The following PDIA6 variants were observed in gnomAD, a reference collection of about 807,000 sequenced individuals.
PDIA6 encodes the protein protein disulfide-isomerase A6.
In PDIA6, 29 loss-of-function variants were observed where a neutral mutation model predicts 58.4. The observed-to-expected ratio is 0.50, with a 90% CI of 0.37 to 0.68. The LOEUF (loss-of-function observed/expected upper bound fraction) is 0.68, where lower values mean the gene tolerates loss of function less well. PDIA6 is among the 30% of genes least tolerant of loss of function. The probability of loss-of-function intolerance (pLI) is 0.00; values close to 1 mark genes in which losing one functional copy is unlikely to be tolerated. For synonymous variants in PDIA6, 192 were observed against 202.6 expected, an observed-to-expected ratio of 0.95 and a Z score of 0.44; for missense variants, 480 against 551.0, an observed-to-expected ratio of 0.87 and a Z score of 1.29.
At chr2:10,827,072 T>C (rs994166161) in intron 1 of PDIA6, among the ~76,000 whole-genome samples, 7 of 152,104 alleles carry the variant, frequency 4.6e-5, no homozygotes, top group Non-Finnish European at 1.0e-4. Context: ...GTCTGATTGA[T>C]TGATTGATTG....
At chr2:10,834,273 C>T (rs931935503), upstream of PDIA6, among the ~76,000 whole-genome samples, 6 of 152,258 alleles carry the variant, frequency 3.9e-5, no homozygotes, top group South Asian at 2.1e-4. Flanking sequence ...GGATCAAAGG[C>T]GAGCCTCTTT....
rs117720970 is a variant in PDIA6 at position 10,810,809 on chromosome 2, A to G, written c.19+1869T>C. Among the ~76,000 whole-genome samples the G allele has an allele frequency of 9.5e-4, 145 of 152,266 alleles. No individual in the cohort carries two copies. In the East Asian group the frequency reaches 0.023, roughly 24 times the overall value. On this transcript the variant is annotated intron_variant, in intron 1 of 12. Coordinates refer to ENST00000272227, the MANE Select transcript of PDIA6 (RefSeq NM_005742.4). ...ACAAAAAACCCTGGGCTCACTTAAG[A>G]TGACAAAGTAGGTCAATGCTGACCA...
intron 1 of PDIA6, among the ~76,000 whole-genome samples, chr2:10,828,895 G>A (rs1422570362): frequency 6.6e-6 from 1 of 152,180 alleles, no homozygotes; most frequent in East Asian, 1.9e-4. Context: ...GCAAAGCAGG[G>A]CTTCCTCCTT....
intron 4 of PDIA6, among the ~76,000 whole-genome samples, chr2:10,795,338 G>A (rs1666219641): frequency 6.6e-6 from 1 of 152,270 alleles, no homozygotes; most frequent in South Asian, 2.1e-4. Context: ...AAAAACATGT[G>A]CATTTTCATA....
chr2:10,800,975 G>T (rs1558448223), intron 2 of PDIA6, among the ~76,000 whole-genome samples: 1 of 152,048 alleles, frequency 6.6e-6, no homozygotes, highest in Non-Finnish European at 1.5e-5. Context: ...AAGCACAAAA[G>T]GAAGTTAAAA....
upstream of PDIA6, among the ~76,000 whole-genome samples, chr2:10,815,698 C>G (rs114358907): frequency 6.6e-6 from 1 of 152,110 alleles, no homozygotes; most frequent in Non-Finnish European, 1.5e-5. Context: ...GTGCACATCA[C>G]CATTGCCCAG....
Position 10,819,195 on chromosome 2 carries a change from G to A in PDIA6, c.34+79C>T, listed in dbSNP as rs542723494. Reference sequence around the variant, plus strand: ...ATTTTGTTTATCCATCCGTCTGTTAGTGGACACTTGGGTTGTTTTCACCTT... The same window carrying A: ...ATTTTGTTTATCCATCCGTCTGTTAATGGACACTTGGGTTGTTTTCACCTT... On this transcript the variant is annotated intron_variant, in intron 2 of 13. Transcript: ENST00000381611. The A allele has an allele frequency of 6.2e-6, 5 of 801,232 alleles. No individual in the cohort carries two copies. In the South Asian group the frequency reaches 6.4e-5, roughly 10 times the overall value. The allele number at this position is 801,232 out of a possible 1,614,324, so 49.6% of individuals were successfully genotyped here.
chr2:10,789,215 A>G (rs1665921512), intron 8 of PDIA6, among the ~76,000 whole-genome samples: 1 of 152,210 alleles, frequency 6.6e-6, no homozygotes, highest in Admixed American at 6.5e-5. Context: ...GCACACATAC[A>G]AACATCTCTG....
intron 2 of PDIA6, among the ~76,000 whole-genome samples, chr2:10,799,573 T>A (rs925771996): frequency 5.3e-5 from 8 of 152,214 alleles, no homozygotes; most frequent in Non-Finnish European, 1.2e-4. Context: ...CTAAACTCAA[T>A]CCCAGTATCT....
At position 10,803,911 on chromosome 2, in the gene PDIA6, G is replaced by GGTTTTTTTT. The variant is rs1553339551; in HGVS notation, c.20-1272_20-1271insAAAAAAAAC. ...TGCGTGTTTGTGTCCTAGTTTTTGT[G>GGTTTTTTTT]TTTTTTTTTTTTTTTGAGACAGAGT... On this transcript the variant is annotated intron_variant, in intron 1 of 12. Coordinates refer to ENST00000272227, the MANE Select transcript of PDIA6 (RefSeq NM_005742.4). 3.4e-4 allele frequency among the ~76,000 whole-genome samples: 40 copies of GGTTTTTTTT among 117,894 alleles called. 1 individual carries two copies. The highest frequency in any genetic ancestry group is 4.4e-4 in the Non-Finnish European group (25 of 56,556). The allele number at this position is 117,894 out of a possible 152,430, so 77.3% of individuals were successfully genotyped here. A position where few individuals can be genotyped will look rare whatever the true frequency, so the allele number is the denominator to read the frequency against.
intron 1 of PDIA6, among the ~76,000 whole-genome samples, chr2:10,810,908 T>A (rs963259559): frequency 5.2e-4 from 79 of 152,134 alleles, no homozygotes; most frequent in African/African-American, 1.6e-3. Flanking sequence ...AATTGGACCA[T>A]CCGAGTGAGT....
intron 1 of PDIA6, among the ~76,000 whole-genome samples, chr2:10,822,122 A>G (rs1440388759): frequency 1.3e-5 from 2 of 150,380 alleles, no homozygotes; most frequent in Non-Finnish European, 3.0e-5. Context: ...GTATTTTTGT[A>G]GAGATGGGGT....
Position 10,786,350 on chromosome 2 carries a change from TAACC to T in PDIA6, c.1157+927_1157+930del, listed in dbSNP as rs1665756174. On this transcript the variant is annotated intron_variant, in intron 11 of 12. Coordinates refer to ENST00000272227, the MANE Select transcript of PDIA6 (RefSeq NM_005742.4). ...GAAAGAAAACACCCATTAACCATAT[TAACC>T]AACTACAATGAGAGAGAGCTGGGAG... Among the ~76,000 whole-genome samples the T allele has an allele frequency of 2.0e-5, 3 of 151,918 alleles. No homozygotes were observed. In the South Asian group the frequency reaches 6.3e-4, roughly 32 times the overall value.
chr2:10,803,922 T>C (rs1361070843), intron 1 of PDIA6, among the ~76,000 whole-genome samples: 1 of 147,910 alleles, frequency 6.8e-6, no homozygotes, highest in African/African-American at 2.5e-5. Flanking sequence ...TTTTTTTTTT[T>C]TTTTGAGACA....
At chr2:10,828,878 A>C (rs1667629829) in intron 1 of PDIA6, among the ~76,000 whole-genome samples, 1 of 152,200 alleles carries the variant, frequency 6.6e-6, no homozygotes, top group Non-Finnish European at 1.5e-5. Flanking sequence ...CCTGGGATGC[A>C]TGACCAGCAA....
At chr2:10,816,192 C>T (rs935508179), upstream of PDIA6, among the ~76,000 whole-genome samples, 7 of 143,934 alleles carry the variant, frequency 4.9e-5, no homozygotes, top group Non-Finnish European at 3.0e-5. Flanking sequence ...AAGCTATTCT[C>T]CTGCCTCAGC....
chr2:10,786,227 G>A (rs887046092), intron 11 of PDIA6, among the ~76,000 whole-genome samples: 3 of 152,090 alleles, frequency 2.0e-5, no homozygotes, highest in Non-Finnish European at 4.4e-5. Context: ...GGAGGCTGAG[G>A]CAGGAGAATC....
chr2:10,815,227 C>A (rs114190023), upstream of PDIA6, among the ~76,000 whole-genome samples: 2,589 of 152,226 alleles, frequency 0.017, 91 homozygotes, highest in African/African-American at 0.06. Flanking sequence ...TGCACCAGGG[C>A]GTGTTGCTCA....
upstream of PDIA6, among the ~76,000 whole-genome samples, chr2:10,835,626 G>C (rs1402282116): frequency 2.0e-5 from 3 of 152,130 alleles, no homozygotes; most frequent in Non-Finnish European, 4.4e-5. Context: ...AGACATCTCC[G>C]ACCCACGAGG....
Sources: gnomAD v4.1 joint callset for allele counts (sites outside exome capture counted in the v4.1 genomes callset) on GRCh38, gnomAD v4.1.1 for gene constraint, MANE v1.5 for transcripts, NCBI Gene and HGNC (gene_info 2026-07-23, HGNC 2026-07-21) for gene names.